The following KCTD8 variants were observed in gnomAD, a reference collection of about 807,000 sequenced individuals.
KCTD8 encodes the protein BTB/POZ domain-containing protein KCTD8.
A neutral mutation model predicts 31.5 loss-of-function variants in KCTD8; 27 were observed. That is an observed-to-expected ratio of 0.86 (90% CI 0.63 to 1.18). The LOEUF is 1.18. Among genes scored for constraint, KCTD8 ranks in the 50% most tolerant of loss-of-function variants. The pLI is 0.00. For missense variants in KCTD8, 658 were observed against 647.7 expected (o/e 1.02, Z -0.17); for synonymous variants, 290 against 280.0 (o/e 1.04, Z -0.36).
Position 44,393,300 on chromosome 4 carries a change from A to G in KCTD8, c.961+54263T>C, listed in dbSNP as rs568930541. On this transcript the variant is annotated intron_variant, in intron 1 of 1. Transcript: ENST00000360029. ...AAACCAAAGCTTATTCTGTTTTCCT[A>G]AAGTTATAAAGAAAGTTAAAAGAAT... Among the ~76,000 whole-genome samples, 7 of 152,184 alleles carry G rather than the reference A, an allele frequency of 4.6e-5. No homozygotes were observed. In the East Asian group the frequency reaches 5.8e-4, roughly 13 times the overall value.
chr4:44,298,946 T>A (rs976904614), intron 1 of KCTD8, among the ~76,000 whole-genome samples: 2 of 152,018 alleles, frequency 1.3e-5, no homozygotes, highest in Admixed American at 1.3e-4. Flanking sequence ...ACAAAATGCA[T>A]ACAGTTGTAA....
intron 1 of KCTD8, among the ~76,000 whole-genome samples, chr4:44,287,920 T>C (rs1717149852): frequency 6.6e-6 from 1 of 152,176 alleles, no homozygotes; most frequent in African/African-American, 2.4e-5. Flanking sequence ...TAGATGGTTA[T>C]ACAATAATCT....
At chr4:44,185,932 G>A (rs919146024) in intron 1 of KCTD8, among the ~76,000 whole-genome samples, 1 of 152,038 alleles carries the variant, frequency 6.6e-6, no homozygotes, top group African/African-American at 2.4e-5. Context: ...TACTGGAGCG[G>A]GACAGGGAAG....
At chr4:44,412,854 CTT>C (rs767126349) in intron 1 of KCTD8, among the ~76,000 whole-genome samples, 3 of 152,112 alleles carry the variant, frequency 2.0e-5, no homozygotes, top group Non-Finnish European at 4.4e-5. Context: ...TCTTCTGAGA[CTT>C]TGTGTAGATA....
intron 1 of KCTD8, among the ~76,000 whole-genome samples, chr4:44,336,939 A>G (rs1193660329): frequency 6.6e-6 from 1 of 152,102 alleles, no homozygotes; most frequent in African/African-American, 2.4e-5. Flanking sequence ...GTTTAGTTTA[A>G]GAAAGATTGA....
At chr4:44,294,586 A>C (rs547658550) in intron 1 of KCTD8, among the ~76,000 whole-genome samples, 3 of 152,284 alleles carry the variant, frequency 2.0e-5, no homozygotes, top group South Asian at 2.1e-4. Flanking sequence ...AACTGAAAAA[A>C]ATTTCCTTAT....
chr4:44,314,175 G>C (rs991507577), intron 1 of KCTD8, among the ~76,000 whole-genome samples: 1 of 152,156 alleles, frequency 6.6e-6, no homozygotes, highest in African/African-American at 2.4e-5. Flanking sequence ...GTAACTGGTG[G>C]GATGGAGACT....
intron 1 of KCTD8, among the ~76,000 whole-genome samples, chr4:44,340,654 T>C (rs1175080737): frequency 6.6e-6 from 1 of 152,052 alleles, no homozygotes; most frequent in Non-Finnish European, 1.5e-5. Flanking sequence ...AATTGTGACG[T>C]ATTTGAAAAT....
chr4:44,198,119 A>T (rs1327813697), intron 1 of KCTD8, among the ~76,000 whole-genome samples: 1 of 152,182 alleles, frequency 6.6e-6, no homozygotes, highest in African/African-American at 2.4e-5. Context: ...ATGAATTAAA[A>T]AAAATAAACA....
intron 1 of KCTD8, among the ~76,000 whole-genome samples, chr4:44,320,355 T>G (rs1255744530): frequency 6.6e-6 from 1 of 152,064 alleles, no homozygotes; most frequent in Non-Finnish European, 1.5e-5. Context: ...TGGAGGGGCT[T>G]TTAAATTTGC....
At chr4:44,328,542 TAC>T (rs1296437721) in intron 1 of KCTD8, among the ~76,000 whole-genome samples, 1 of 151,956 alleles carries the variant, frequency 6.6e-6, no homozygotes, top group African/African-American at 2.4e-5. Context: ...CCATAAAATG[TAC>T]AGTTATCATT....
intron 1 of KCTD8, among the ~76,000 whole-genome samples, chr4:44,443,231 C>T (rs909160577): frequency 6.6e-6 from 1 of 152,026 alleles, no homozygotes; most frequent in Non-Finnish European, 1.5e-5. Context: ...AGTAGTAACT[C>T]GGGAGAAAAA....
At chr4:44,378,918 GA>G (rs1719989425) in intron 1 of KCTD8, among the ~76,000 whole-genome samples, 1 of 152,066 alleles carries the variant, frequency 6.6e-6, no homozygotes, top group Non-Finnish European at 1.5e-5. Context: ...GGCTCCACAG[GA>G]GAATCTGTTT....
At chr4:44,357,152 A>G (rs1719365242) in intron 1 of KCTD8, among the ~76,000 whole-genome samples, 2 of 152,076 alleles carry the variant, frequency 1.3e-5, no homozygotes, top group African/African-American at 4.8e-5. Flanking sequence ...GAATTAAACC[A>G]CATCTCTTCC....
At chr4:44,390,531 T>C (rs564002704) in intron 1 of KCTD8, among the ~76,000 whole-genome samples, 1 of 152,116 alleles carries the variant, frequency 6.6e-6, no homozygotes, top group East Asian at 1.9e-4. Context: ...TACCAGGCTG[T>C]TTTGGTGACT....
chr4:44,354,066 ATTC>A (rs1301377835), intron 1 of KCTD8, among the ~76,000 whole-genome samples: 1 of 152,108 alleles, frequency 6.6e-6, no homozygotes, highest in African/African-American at 2.4e-5. Flanking sequence ...CCCCTTTCAC[ATTC>A]TTATTACCAT....
rs1340405529 is a variant in KCTD8 at position 44,213,260 on chromosome 4, T to TTTAA, written c.962-38014_962-38011dup. 1.3e-5 allele frequency among the ~76,000 whole-genome samples: 2 copies of TTTAA among 152,132 alleles called. 1 individual carries two copies. The highest frequency in any genetic ancestry group is 2.9e-5 in the Non-Finnish European group (2 of 68,010). ...CTTCTTTTTTTTATTGACCAAAATT[T>TTTAA]TTAATTATATTTTATTTTTGTTTCA... On this transcript the variant is annotated intron_variant, in intron 1 of 1. Coordinates refer to ENST00000360029, the MANE Select transcript of KCTD8 (RefSeq NM_198353.3).
intron 1 of KCTD8, among the ~76,000 whole-genome samples, chr4:44,316,030 A>G (rs1718098508): frequency 6.6e-6 from 1 of 151,654 alleles, no homozygotes; most frequent in Admixed American, 6.6e-5. Flanking sequence ...GTGTTTCTCT[A>G]CTCTCCATCT....
At chr4:44,291,172 T>A (rs1717261471) in intron 1 of KCTD8, among the ~76,000 whole-genome samples, 1 of 152,108 alleles carries the variant, frequency 6.6e-6, no homozygotes, top group Non-Finnish European at 1.5e-5. Context: ...CAGAGACTAT[T>A]ATGAACACCT....
Sources: gnomAD v4.1 joint callset for allele counts (sites outside exome capture counted in the v4.1 genomes callset) on GRCh38, gnomAD v4.1.1 for gene constraint, MANE v1.5 for transcripts, NCBI Gene and HGNC (gene_info 2026-07-23, HGNC 2026-07-21) for gene names.